MARCHF1: variants seen among roughly 807,000 people sequenced by gnomAD.
The protein encoded by MARCHF1 is membrane associated ring-CH-type finger 1, also known as E3 ubiquitin-protein ligase MARCHF1.
Under a neutral mutation model 54.2 loss-of-function variants are expected in MARCHF1, and 40 were observed. The observed-to-expected ratio is 0.74, with a 90% confidence interval of 0.57 to 0.96. The LOEUF is 0.96. MARCHF1 is among the 40% of genes least tolerant of loss of function. The pLI is 0.00. For synonymous variants in MARCHF1, 236 were observed against 236.3 expected (o/e 1.00, Z 0.01); for missense variants, 586 against 656.5 (o/e 0.89, Z 1.17).
intron 4 of MARCHF1, among the ~76,000 whole-genome samples, chr4:163,753,509 T>C (rs1325224704): frequency 1.3e-5 from 2 of 152,116 alleles, no homozygotes; most frequent in Admixed American, 1.3e-4. Flanking sequence ...GGAGAGAAGA[T>C]ATTGTCATAA....
chr4:163,529,140 G>A, intron 9 of MARCHF1, 94 bp from the exon 10 acceptor site: 1 of 854,104 alleles, frequency 1.2e-6, no homozygotes, highest in Non-Finnish European at 1.8e-6. Context: ...GCCCGTGCTT[G>A]CCTTCTAGAT....
At chr4:163,627,001 G>T (rs13108854) in intron 5 of MARCHF1, among the ~76,000 whole-genome samples, 1 of 151,962 alleles carries the variant, frequency 6.6e-6, no homozygotes, top group Non-Finnish European at 1.5e-5. Flanking sequence ...AGTCTTTTTG[G>T]TTGTGAAAAA....
intron 4 of MARCHF1, among the ~76,000 whole-genome samples, chr4:163,742,397 C>CCTCCCTTCCTTCCTTCCTTCCTT (rs1746228070): frequency 1.1e-5 from 1 of 91,220 alleles, no homozygotes; most frequent in African/African-American, 4.0e-5. Flanking sequence ...CTTCCTTCCT[C>CCTCCCTTCCTTCCTTCCTTCCTT]CCTTCCTTCC....
Position 164,101,264 on chromosome 4 carries a change from G to T in MARCHF1, c.-248+10324C>A, listed in dbSNP as rs533730700. Among the ~76,000 whole-genome samples the T allele has an allele frequency of 3.2e-4, 49 of 152,140 alleles. No individual in the cohort carries two copies. The South Asian group carries it at 9.8e-3, about 30-fold the overall frequency. On this transcript the variant is annotated intron_variant, in intron 2 of 9. Coordinates refer to ENST00000514618, the MANE Select transcript of MARCHF1 (RefSeq NM_001394959.1). ...CTCAAACTGGGTGGATCCCACCACA[G>T]CTCAAGGAGGCCTGCCTGCCTCTGT... is the stretch of plus-strand genomic sequence containing the variant.
rs772675169 is a variant in MARCHF1 at position 163,612,796 on chromosome 4, G to A, written c.485C>T (p.Ser162Leu). 1.3e-6 allele frequency: 2 copies of A among 1,535,164 alleles called. No homozygotes were observed. Among genetic ancestry groups the A allele is most frequent in the South Asian group, 1.2e-5 (1 of 83,984 alleles). Residue 162 changes from serine to leucine, a missense_variant, in exon 7 of 10, where the codon TCA becomes TTA. This residue lies in a region of MARCHF1 where 387 missense variants were observed against 394.6 expected (regional missense o/e 0.98). Transcript: ENST00000514618. ...CCAATGACTCTCATCTGTGGAAGAT[G>A]AATCTGAAGAATCTGTGTAAAGCTC... is the stretch of plus-strand genomic sequence containing the variant. Reference protein sequence around the residue: ...WRELYTDSSDSSSTDESHWIQ... With the variant: ...WRELYTDSSDLSSTDESHWIQ...
At chr4:164,045,161 AG>A (rs1021678696) in intron 2 of MARCHF1, among the ~76,000 whole-genome samples, 1 of 152,126 alleles carries the variant, frequency 6.6e-6, no homozygotes, top group African/African-American at 2.4e-5. Flanking sequence ...ACAATAAAAA[AG>A]GGCCCTCTAA....
chr4:164,038,941 TA>T (rs1754068683), intron 2 of MARCHF1, among the ~76,000 whole-genome samples: 1 of 151,962 alleles, frequency 6.6e-6, no homozygotes, highest in Non-Finnish European at 1.5e-5. Flanking sequence ...TAATCAAATA[TA>T]AAATAAAAGG....
intron 2 of MARCHF1, among the ~76,000 whole-genome samples, chr4:164,027,380 A>AC: frequency 7.0e-6 from 1 of 143,346 alleles, no homozygotes; most frequent in Non-Finnish European, 1.5e-5. Flanking sequence ...AAAAAAAAAA[A>AC]AAAAAAAAAA....
intron 3 of MARCHF1, among the ~76,000 whole-genome samples, chr4:163,911,641 C>T (rs191247134): frequency 6.2e-4 from 95 of 152,164 alleles, no homozygotes; most frequent in Middle Eastern, 3.4e-3. Flanking sequence ...AAGTCCTAAC[C>T]GCCAGTACCT....
rs73868957 is a variant in MARCHF1, at chr4:163,939,253, T to C, written c.-39+49248A>G. On this transcript the variant is annotated intron_variant, in intron 3 of 9. Coordinates refer to ENST00000514618, the MANE Select transcript of MARCHF1 (RefSeq NM_001394959.1). ...TGTTTTGTAATTTAAACGTGCTCACTATGTGAGCTGATCCCACAACCTCAT... is the reference window on the plus strand; with the variant it reads ...TGTTTTGTAATTTAAACGTGCTCACCATGTGAGCTGATCCCACAACCTCAT... Among the ~76,000 whole-genome samples the C allele has an allele frequency of 4.6e-3, 700 of 152,274 alleles. 3 individuals carry two copies. Among genetic ancestry groups the C allele is most frequent in the African/African-American group, 0.016 (674 of 41,556 alleles).
intron 5 of MARCHF1, among the ~76,000 whole-genome samples, chr4:163,632,152 G>C (rs1021636699): frequency 2.0e-5 from 3 of 152,174 alleles, no homozygotes; most frequent in Admixed American, 1.3e-4. Flanking sequence ...GTATGGTGCA[G>C]TTACTCTGGA....
intron 5 of MARCHF1, among the ~76,000 whole-genome samples, chr4:163,679,979 GTTT>G (rs11327231): frequency 0.032 from 4,453 of 139,388 alleles, 94 homozygotes; most frequent in Non-Finnish European, 0.046. Context: ...CTTTTTATCT[GTTT>G]TTTTTTTTTT....
chr4:163,580,692 T>C (rs1740199798), intron 8 of MARCHF1, among the ~76,000 whole-genome samples: 2 of 152,224 alleles, frequency 1.3e-5, no homozygotes, highest in Non-Finnish European at 2.9e-5. Context: ...GAAAATATAT[T>C]GGGTAAAATA....
Position 164,022,630 on chromosome 4 carries a change from A to G in MARCHF1, c.-247-33921T>C, listed in dbSNP as rs578080207. The stretch of plus-strand genomic sequence containing the variant: ...AGATCTTCCCAGAGAGTGGGCAGAG[A>G]CAGGGCTTCAGCCAGTGAGAAGCCC... On this transcript the variant is annotated intron_variant, in intron 2 of 9. Transcript: ENST00000514618. Among the ~76,000 whole-genome samples, 22 of 152,350 alleles carry G rather than the reference A, an allele frequency of 1.4e-4. 1 individual carries two copies. In the South Asian group the frequency reaches 4.3e-3, roughly 30 times the overall value.
At chr4:164,022,634 G>C (rs543421627) in intron 2 of MARCHF1, among the ~76,000 whole-genome samples, 1 of 152,318 alleles carries the variant, frequency 6.6e-6, no homozygotes. Flanking sequence ...GCAGAGACAG[G>C]GCTTCAGCCA....
At chr4:163,639,138 C>T (rs1308418013) in intron 5 of MARCHF1, among the ~76,000 whole-genome samples, 1 of 152,134 alleles carries the variant, frequency 6.6e-6, no homozygotes, top group Non-Finnish European at 1.5e-5. Flanking sequence ...GTACTTACTA[C>T]TTAACTGTAA....
intron 8 of MARCHF1, among the ~76,000 whole-genome samples, chr4:163,582,202 A>G (rs1225313387): frequency 6.6e-6 from 1 of 152,236 alleles, no homozygotes; most frequent in East Asian, 1.9e-4. Flanking sequence ...TGCTTTCTTT[A>G]TGTGTGACAT....
intron 5 of MARCHF1, among the ~76,000 whole-genome samples, chr4:163,655,181 C>T (rs935096647): frequency 6.6e-6 from 1 of 151,658 alleles, no homozygotes; most frequent in African/African-American, 2.4e-5. Flanking sequence ...TACTGTCTTA[C>T]AATAGATGAT....
At chr4:164,240,434 T>G (rs1382497553) in intron 1 of MARCHF1, among the ~76,000 whole-genome samples, 1 of 152,134 alleles carries the variant, frequency 6.6e-6, no homozygotes, top group East Asian at 1.9e-4. Flanking sequence ...GACTCCTCAT[T>G]CCTCATCTTG....
Sources: allele counts gnomAD v4.1 joint callset (sites outside exome capture counted in the v4.1 genomes callset), GRCh38; gene constraint gnomAD v4.1.1; regional missense constraint gnomAD v4.1.1; transcripts MANE v1.5; gene names NCBI Gene and HGNC (gene_info 2026-07-23, HGNC 2026-07-21).